DLGAP4: variants seen among roughly 807,000 people sequenced by gnomAD.
DLGAP4 encodes the protein DLG associated protein 4, also known as disks large-associated protein 4.
In DLGAP4, 18 loss-of-function variants were observed where a neutral mutation model predicts 86.9. The observed-to-expected ratio is 0.21, with a 90% CI of 0.14 to 0.31. The LOEUF (loss-of-function observed/expected upper bound fraction) is 0.31. Ranked by LOEUF, DLGAP4 falls within the 10% of genes least tolerant of loss-of-function variation. DLGAP4 has a pLI of 1.00. For synonymous variants in DLGAP4, 548 were observed against 574.3 expected, an observed-to-expected ratio of 0.95 and a Z score of 0.65; for missense variants, 1,085 against 1,362.6, an observed-to-expected ratio of 0.80 and a Z score of 3.21.
Position 36,432,689 on chromosome 20 carries a change from C to T in DLGAP4, c.972C>T (p.His324=), listed in dbSNP as rs964814937. The T allele has an allele frequency of 6.2e-7, 1 of 1,613,398 alleles. No homozygotes were observed. The highest frequency in any genetic ancestry group is 8.5e-7 in the Non-Finnish European group (1 of 1,179,788). ...DKSLLKSKSC[H]QGLAYHYLQV... is the part of the protein sequence containing the mutation. ...GCCTGCTCAAGTCCAAATCCTGCCA[C>T]CAGGGTCTAGCCTACCATTACCTGC... The change falls in exon 3 of 13, where the codon CAC becomes CAT. Residue 324 remains histidine, a synonymous_variant. Coordinates refer to ENST00000339266, the MANE Select transcript of DLGAP4 (RefSeq NM_001365621.2). The surrounding 1 kb of genome is among the most constrained non-coding windows in gnomAD (Gnocchi z 6.5).
intron 10 of DLGAP4, among the ~76,000 whole-genome samples, chr20:36,511,465 A>T (rs780178446): frequency 6.6e-6 from 1 of 152,060 alleles, no homozygotes; most frequent in African/African-American, 2.4e-5. Flanking sequence ...TAGCCTCCCA[A>T]AGTGCTGGGA....
intron 1 of DLGAP4, among the ~76,000 whole-genome samples, chr20:36,327,865 A>G (rs1400265384): frequency 7.0e-6 from 1 of 143,292 alleles, no homozygotes; most frequent in African/African-American, 2.5e-5. Flanking sequence ...TGCTGGGATT[A>G]CAGGCGTGAG....
intron 7 of DLGAP4, among the ~76,000 whole-genome samples, chr20:36,452,721 G>A (rs1386300707): frequency 6.6e-6 from 1 of 151,738 alleles, no homozygotes; most frequent in Non-Finnish European, 1.5e-5. Flanking sequence ...TGTTCGCTAC[G>A]CTGGTCTTGA....
rs1569520995 is a variant in DLGAP4 at position 36,500,622 on chromosome 20, CATGG to C, written c.2512+16_2512+19del. 6.7e-7 allele frequency: 1 copy of C among 1,481,684 alleles called. No homozygotes were observed. Among genetic ancestry groups the C allele is most frequent in the East Asian group, 2.4e-5 (1 of 41,062 alleles). 91.8% of individuals were successfully genotyped at this position (1,481,684 alleles called of 1,614,324 possible). A position where few individuals can be genotyped will look rare whatever the true frequency, so the allele number is the denominator to read the frequency against. On this transcript the variant is annotated intron_variant, in intron 10 of 12. Coordinates refer to ENST00000339266, the MANE Select transcript of DLGAP4 (RefSeq NM_001365621.2). The surrounding 1 kb of genome is among the most constrained non-coding windows in gnomAD (Gnocchi z 4.6). ...ACCTCTCTGAAGAAGGTGGGTGCCA[CATGG>C]ATGGTCCTTGGGCAAGGGTAGAAGG...
intron 1 of DLGAP4, among the ~76,000 whole-genome samples, chr20:36,317,800 C>T (rs2065124297): frequency 6.6e-6 from 1 of 151,854 alleles, no homozygotes; most frequent in African/African-American, 2.4e-5. Context: ...GCATCTCTAG[C>T]TGGGTGCTGC....
chr20:36,335,407 C>T (rs1432075656), intron 1 of DLGAP4, among the ~76,000 whole-genome samples: 1 of 152,170 alleles, frequency 6.6e-6, no homozygotes, highest in African/African-American at 2.4e-5. Flanking sequence ...CCTCTGTTTG[C>T]TCATCTATAA....
intron 2 of DLGAP4, among the ~76,000 whole-genome samples, chr20:36,424,630 A>G (rs555667116): frequency 5.9e-5 from 9 of 152,212 alleles, no homozygotes; most frequent in Admixed American, 1.3e-4. Flanking sequence ...TCCACTGCAC[A>G]TCCATCTCCA....
chr20:36,466,104 C>T (rs2034339979), intron 7 of DLGAP4, among the ~76,000 whole-genome samples: 2 of 152,166 alleles, frequency 1.3e-5, no homozygotes, highest in African/African-American at 4.8e-5. Context: ...TTTGGCAGGT[C>T]TTGGGGCAGG....
chr20:36,504,049 C>T (rs956487116), intron 10 of DLGAP4, among the ~76,000 whole-genome samples: 1 of 152,048 alleles, frequency 6.6e-6, no homozygotes, highest in Non-Finnish European at 1.5e-5. Context: ...AGTAGAAATG[C>T]TAGGTCAAAC....
intron 2 of DLGAP4, among the ~76,000 whole-genome samples, chr20:36,369,473 A>G (rs906764776): frequency 3.9e-5 from 6 of 152,110 alleles, no homozygotes; most frequent in Non-Finnish European, 7.3e-5. Context: ...GGCGCTTGTA[A>G]TCTCAGCTAC....
intron 2 of DLGAP4, among the ~76,000 whole-genome samples, chr20:36,394,794 A>G (rs1406718656): frequency 6.6e-6 from 1 of 152,040 alleles, no homozygotes; most frequent in Non-Finnish European, 1.5e-5. Context: ...GCCTCTCCCT[A>G]AGACACACCT....
intron 1 of DLGAP4, among the ~76,000 whole-genome samples, chr20:36,322,300 G>A (rs1374885666): frequency 6.6e-6 from 1 of 152,220 alleles, no homozygotes; most frequent in Admixed American, 6.5e-5. Flanking sequence ...TTGGGATGTG[G>A]AGGGAGGACA....
At chr20:36,342,501 CG>C (rs777080039) in intron 1 of DLGAP4, among the ~76,000 whole-genome samples, 9 of 152,176 alleles carry the variant, frequency 5.9e-5, no homozygotes, top group African/African-American at 4.8e-5. Context: ...ATGACAGCCT[CG>C]GTACTACCAA....
At position 36,462,202 on chromosome 20, in the gene DLGAP4, A is replaced by AC. The variant is rs902236821; in HGVS notation, c.1648+15271dup. On this transcript the variant is annotated intron_variant, in intron 7 of 12. Coordinates refer to ENST00000339266, the MANE Select transcript of DLGAP4 (RefSeq NM_001365621.2). The stretch of plus-strand genomic sequence containing the variant: ...CCAAGTTGGGGTCTTTCTCCTTGGG[A>AC]CCCCCCAATATGTCCTCAGCTCCCT... 1.2e-5 allele frequency: 13 copies of AC among 1,091,728 alleles called. No homozygotes were observed. In the Admixed American group the frequency reaches 1.7e-4, roughly 14 times the overall value. 67.6% of individuals were successfully genotyped at this position (1,091,728 alleles called of 1,614,324 possible).
intron 7 of DLGAP4, among the ~76,000 whole-genome samples, chr20:36,495,206 G>A (rs1326789948): frequency 6.6e-6 from 1 of 152,088 alleles, no homozygotes; most frequent in African/African-American, 2.4e-5. Context: ...CATGACAGTA[G>A]TATCACTTTT....
At position 36,500,156 on chromosome 20, in the gene DLGAP4, C is replaced by T. The variant is rs1370818909; in HGVS notation, c.2100-43C>T. 3 of 1,501,214 alleles carry T rather than the reference C, an allele frequency of 2.0e-6. No homozygotes were observed. The highest frequency in any genetic ancestry group is 1.4e-5 in the African/African-American group (1 of 71,394). 93.0% of individuals were successfully genotyped at this position (1,501,214 alleles called of 1,614,324 possible). A position where few individuals can be genotyped will look rare whatever the true frequency, so the allele number is the denominator to read the frequency against. The stretch of plus-strand genomic sequence containing the variant: ...CTCTGGTCTCTGGCCCTCTTGGTGA[C>T]TCACTCCTTCCTGTCCCCACCCCAT... On this transcript the variant is annotated intron_variant, in intron 9 of 12. Coordinates refer to ENST00000339266, the MANE Select transcript of DLGAP4 (RefSeq NM_001365621.2). The surrounding 1 kb of genome is among the most constrained non-coding windows in gnomAD (Gnocchi z 4.6).
intron 1 of DLGAP4, among the ~76,000 whole-genome samples, chr20:36,332,366 T>C (rs1167290154): frequency 1.3e-5 from 2 of 152,038 alleles, no homozygotes; most frequent in Admixed American, 1.3e-4. Flanking sequence ...CGTTCCGTTT[T>C]TTGTTTTTTT....
chr20:36,442,782 G>C lies in DLGAP4; in HGVS notation c.1407+5G>C. The C allele has an allele frequency of 6.2e-7, 1 of 1,614,206 alleles. No homozygotes were observed. The highest frequency in any genetic ancestry group is 8.5e-7 in the Non-Finnish European group (1 of 1,180,034). On this transcript the variant is annotated splice_donor_5th_base_variant and intron_variant, in intron 6 of 12. Transcript: ENST00000339266. ...TTGTTTGGCCATGAGCAGCAGGTCA[G>C]TATGTTTGCCCTTCTCTTCCACCCC...
chr20:36,397,134 G>T (rs562747808), intron 2 of DLGAP4, among the ~76,000 whole-genome samples: 1 of 152,158 alleles, frequency 6.6e-6, no homozygotes, highest in African/African-American at 2.4e-5. Flanking sequence ...TAACAGACAC[G>T]CCTGACCTTG....
Sources: allele counts gnomAD v4.1 joint callset (sites outside exome capture counted in the v4.1 genomes callset), GRCh38; gene constraint gnomAD v4.1.1; non-coding constraint Gnocchi (gnomAD v3.1); transcripts MANE v1.5; gene names NCBI Gene and HGNC (gene_info 2026-07-23, HGNC 2026-07-21).